PKP2: variants seen among roughly 807,000 people sequenced by gnomAD.
The protein encoded by PKP2 is plakophilin-2.
Under a neutral mutation model 83.4 loss-of-function variants are expected in PKP2, and 73 were observed. The observed-to-expected ratio is 0.88, with a 90% CI of 0.72 to 1.06. The LOEUF is 1.06. PKP2 is among the 50% of genes least tolerant of loss of function. The pLI is 0.00. For missense variants in PKP2, 966 were observed against 1,065.4 expected (o/e 0.91, Z 1.30); for synonymous variants, 409 against 430.4 (o/e 0.95, Z 0.62).
intron 6 of PKP2, among the ~76,000 whole-genome samples, chr12:32,830,828 C>T (rs1956494025): frequency 6.6e-6 from 1 of 151,582 alleles, no homozygotes; most frequent in Admixed American, 6.6e-5. Flanking sequence ...ATCACTTGAA[C>T]CTGGGAGGCA....
intron 6 of PKP2, among the ~76,000 whole-genome samples, chr12:32,830,632 C>A (rs920602739): frequency 5.9e-5 from 9 of 152,030 alleles, no homozygotes. Flanking sequence ...TCTGGCCAGG[C>A]ACGGTGGCTC....
chr12:32,818,982 AAAG>A (rs1393774029), intron 9 of PKP2, among the ~76,000 whole-genome samples: 2 of 152,176 alleles, frequency 1.3e-5, no homozygotes, highest in African/African-American at 4.8e-5. Flanking sequence ...CCGTAACTTA[AAAG>A]AATAAAGGGA....
At chr12:32,831,197 T>C (rs1956498214) in intron 6 of PKP2, among the ~76,000 whole-genome samples, 1 of 152,212 alleles carries the variant, frequency 6.6e-6, no homozygotes. Flanking sequence ...GAAAGATGTT[T>C]AAGACCTAGA....
At position 32,792,147 on chromosome 12, in the gene PKP2, T is replaced by A; in HGVS notation, c.*277A>T. Reference sequence around the variant, plus strand: ...TGGATTAATGTCCCTTCCACATGAATTCACATTTTGATTCCAGGAAGCCAT... The same window carrying A: ...TGGATTAATGTCCCTTCCACATGAAATCACATTTTGATTCCAGGAAGCCAT... On this transcript the variant is annotated 3_prime_UTR_variant, in exon 13 of 13. Transcript: ENST00000340811. 2.1e-6 allele frequency: 1 copy of A among 480,264 alleles called. No individual in the cohort carries two copies. The highest frequency in any genetic ancestry group is 2.2e-5 in the South Asian group (1 of 45,272). 29.8% of individuals were successfully genotyped at this position (480,264 alleles called of 1,614,324 possible).
At chr12:32,792,962 G>A (rs913655166) in intron 11 of PKP2, 1 of 519,412 alleles carries the variant, frequency 1.9e-6, no homozygotes, top group Non-Finnish European at 3.5e-6. Flanking sequence ...TAAATAAATA[G>A]TTTATAGGCC....
Position 32,868,936 on chromosome 12 carries a change from A to G in PKP2, c.1161T>C (p.Ala387=), listed in dbSNP as rs1303618077. The G allele has an allele frequency of 6.2e-7, 1 of 1,613,202 alleles. No homozygotes were observed. Among genetic ancestry groups the G allele is most frequent in the Non-Finnish European group, 8.5e-7 (1 of 1,179,990 alleles). ...TGAAGATGACACTCACCCTCTTCCG[A>G]GCTTCAGATTTCTGGAAGCACTCGT... ...IQHECFQKSE[A]RKRVNQLRGI... Residue 387 remains alanine, a synonymous_variant, in exon 4 of 13, where the codon GCT becomes GCC. Coordinates refer to ENST00000340811, the MANE Select transcript of PKP2 (RefSeq NM_001005242.3).
Position 32,881,832 on chromosome 12 carries a change from G to A in PKP2, c.224-2800C>T, listed in dbSNP as rs750718970. On this transcript the variant is annotated intron_variant, in intron 1 of 12. Coordinates refer to ENST00000340811, the MANE Select transcript of PKP2 (RefSeq NM_001005242.3). ...TTATTTTATGTTGGCTGAGGCTCGC[G>A]CCTAGGCTAACCCTTTATCCTCTAC... 4.6e-5 allele frequency among the ~76,000 whole-genome samples: 7 copies of A among 152,216 alleles called. No homozygotes were observed. In the East Asian group the frequency reaches 7.7e-4, roughly 17 times the overall value.
chr12:32,835,435 G>A (rs1198690307), intron 6 of PKP2, among the ~76,000 whole-genome samples: 2 of 151,654 alleles, frequency 1.3e-5, no homozygotes, highest in Non-Finnish European at 1.5e-5. Context: ...TCTGATAACT[G>A]CAATACATAT....
chr12:32,804,719 G>A (rs1956213211), intron 9 of PKP2, among the ~76,000 whole-genome samples: 1 of 152,174 alleles, frequency 6.6e-6, no homozygotes, highest in Non-Finnish European at 1.5e-5. Context: ...CATTTGGGTT[G>A]ATTCCATGTC....
At chr12:32,792,529 A>C (rs761978197) in intron 12 of PKP2, 37 bp from the exon 13 acceptor site, 3 of 1,589,462 alleles carry the variant, frequency 1.9e-6, no homozygotes, top group Non-Finnish European at 2.6e-6. Flanking sequence ...AAAGGTAACA[A>C]AACTGGCACA....
At chr12:32,815,302 A>G (rs748670838) in intron 9 of PKP2, among the ~76,000 whole-genome samples, 7 of 152,204 alleles carry the variant, frequency 4.6e-5, no homozygotes, top group Non-Finnish European at 1.0e-4. Flanking sequence ...TGGCTCATAC[A>G]GTCCTCTGTA....
At chr12:32,831,953 T>C (rs935946999) in intron 6 of PKP2, among the ~76,000 whole-genome samples, 5 of 152,244 alleles carry the variant, frequency 3.3e-5, no homozygotes, top group African/African-American at 1.2e-4. Flanking sequence ...TTGTTTGCTT[T>C]AACAACTTAA....
chr12:32,885,959 G>C (rs1011743623), intron 1 of PKP2, among the ~76,000 whole-genome samples: 1 of 152,160 alleles, frequency 6.6e-6, no homozygotes, highest in Non-Finnish European at 1.5e-5. Context: ...CTAGCACTGA[G>C]TGTGGTTTAA....
intron 10 of PKP2, among the ~76,000 whole-genome samples, chr12:32,800,235 T>C (rs956820471): frequency 2.0e-5 from 3 of 152,236 alleles, no homozygotes; most frequent in African/African-American, 7.2e-5. Context: ...TCTCTCTCTA[T>C]GATACTGATA....
At position 32,839,374 on chromosome 12, in the gene PKP2, C is replaced by CTTTT. The variant is rs758561343; in HGVS notation, c.1556+1650_1556+1653dup. Among the ~76,000 whole-genome samples the CTTTT allele has an allele frequency of 8.4e-5, 11 of 130,206 alleles. 1 individual carries two copies. The highest frequency in any genetic ancestry group is 2.5e-4 in the South Asian group (1 of 3,938). The allele number at this position is 130,206 out of a possible 152,430, so 85.4% of individuals were successfully genotyped here. On this transcript the variant is annotated intron_variant, in intron 6 of 12. Coordinates refer to ENST00000340811, the MANE Select transcript of PKP2 (RefSeq NM_001005242.3). ...ACAATCATTTTAAGAAAGATGTGCACTTTTTTTTTTTTTTTTTTGTGGCTA... is the reference window on the plus strand; with the variant it reads ...ACAATCATTTTAAGAAAGATGTGCACTTTTTTTTTTTTTTTTTTTTTTGTGGCTA...
At chr12:32,799,170 T>C (rs1956157098) in intron 10 of PKP2, among the ~76,000 whole-genome samples, 1 of 151,850 alleles carries the variant, frequency 6.6e-6, no homozygotes, top group Non-Finnish European at 1.5e-5. Flanking sequence ...ATACGCCTCA[T>C]ACATATGAAA....
At chr12:32,865,059 T>C (rs73090768) in intron 4 of PKP2, among the ~76,000 whole-genome samples, 2 of 152,262 alleles carry the variant, frequency 1.3e-5, no homozygotes, top group Non-Finnish European at 2.9e-5. Context: ...GAAATAATAC[T>C]TGGGAATAGT....
At position 32,822,515 on chromosome 12, in the gene PKP2, G is replaced by A. The variant is rs1270868498; in HGVS notation, c.1791C>T (p.Asn597=). The A allele has an allele frequency of 1.2e-6, 2 of 1,614,024 alleles. No individual in the cohort carries two copies. Among genetic ancestry groups the A allele is most frequent in the South Asian group, 1.1e-5 (1 of 91,078 alleles). ...YIQNRNIQTD[N]NKSIGCFGSR... ...TGCCAAAACATCCAATACTTTTGTT[G>A]TTGTCAGTCTGGATATTCCGGTTTT... The change falls in exon 8 of 13, where the codon AAC becomes AAT. Residue 597 remains asparagine (N), a synonymous_variant. Transcript: ENST00000340811.
intron 6 of PKP2, 81 bp from the exon 7 acceptor site, chr12:32,824,243 C>T: frequency 1.0e-6 from 1 of 981,222 alleles, no homozygotes; most frequent in South Asian, 1.3e-5. Context: ...TTACTTGATG[C>T]TTCTTCCAGG....
Sources: gnomAD v4.1 joint callset for allele counts (sites outside exome capture counted in the v4.1 genomes callset) on GRCh38, gnomAD v4.1.1 for gene constraint, MANE v1.5 for transcripts, NCBI Gene and HGNC (gene_info 2026-07-23, HGNC 2026-07-21) for gene names.